RANBP2: variants seen among roughly 807,000 people sequenced by gnomAD.
RANBP2 encodes E3 SUMO-protein ligase RanBP2.
A neutral mutation model predicts 303.6 loss-of-function variants in RANBP2; 57 were observed. The ratio of observed to expected loss-of-function variants is 0.19; its 90% CI spans 0.15 to 0.23. The LOEUF is 0.23. Ranked by LOEUF, RANBP2 falls within the 10% of genes least tolerant of loss-of-function variation. The pLI, the probability that RANBP2 is intolerant of heterozygous loss-of-function variation, is 1.00. For synonymous variants in RANBP2, 1,167 were observed against 1,301.5 expected (o/e 0.90, Z 2.23); for missense variants, 3,138 against 3,780.8 (o/e 0.83, Z 4.46).
At chr2:109,220,822 C>G in the RANBP2 span, among the ~76,000 whole-genome samples, 1 of 152,182 alleles carries the variant, frequency 6.6e-6, no homozygotes, top group African/African-American at 2.4e-5. Flanking sequence ...AATGGTACAG[C>G]TGCTGTGCAA....
At chr2:109,006,342 T>G in the RANBP2 span, among the ~76,000 whole-genome samples, 1 of 152,022 alleles carries the variant, frequency 6.6e-6, no homozygotes, top group Non-Finnish European at 1.5e-5. Flanking sequence ...TACAGGCGCT[T>G]GCCAACACGC....
At chr2:108,854,560 G>T in the RANBP2 span, among the ~76,000 whole-genome samples, 1 of 152,068 alleles carries the variant, frequency 6.6e-6, no homozygotes, top group Non-Finnish European at 1.5e-5. Context: ...CAGAATTGAG[G>T]TCTGTTAGAC....
At chr2:109,018,309 GT>G in the RANBP2 span, among the ~76,000 whole-genome samples, 1 of 152,214 alleles carries the variant, frequency 6.6e-6, no homozygotes, top group African/African-American at 2.4e-5. Context: ...GAGCAAAGCT[GT>G]CTGCAGAATC....
At chr2:108,959,439 C>A in the RANBP2 span, among the ~76,000 whole-genome samples, 2 of 152,236 alleles carry the variant, frequency 1.3e-5, no homozygotes, top group African/African-American at 4.8e-5. Flanking sequence ...CTGATCCAAC[C>A]CAGTTCAGGT....
intron 25 of RANBP2, among the ~76,000 whole-genome samples, chr2:108,778,664 A>ACATGTCC (rs1267139356): frequency 1.3e-5 from 2 of 152,244 alleles, no homozygotes; most frequent in Non-Finnish European, 2.9e-5. Flanking sequence ...TTCTTCTGCC[A>ACATGTCC]CATGTCCCTT....
At chr2:108,929,461 G>T in the RANBP2 span, 3 of 1,444,316 alleles carry the variant, frequency 2.1e-6, no homozygotes, top group South Asian at 1.2e-5. Context: ...CTTGGGCAGT[G>T]ACGTGCCAGC....
At chr2:109,057,939 T>C in the RANBP2 span, among the ~76,000 whole-genome samples, 1 of 152,178 alleles carries the variant, frequency 6.6e-6, no homozygotes, top group Non-Finnish European at 1.5e-5. Flanking sequence ...CAGTAGTCGC[T>C]CATTATGCTG....
chr2:109,501,800 C>T, the RANBP2 span: 1 of 615,824 alleles, frequency 1.6e-6, no homozygotes, highest in Non-Finnish European at 2.9e-6. Flanking sequence ...GGGGGATACC[C>T]TGGCCCAGGG....
the RANBP2 span, among the ~76,000 whole-genome samples, chr2:109,378,238 G>T: frequency 6.6e-6 from 1 of 152,208 alleles, no homozygotes; most frequent in Non-Finnish European, 1.5e-5. Context: ...CTGGGTCAGG[G>T]AGCTGGCTCA....
At chr2:109,654,901 CTTTTCTTTTT>C in the RANBP2 span, among the ~76,000 whole-genome samples, 1 of 150,718 alleles carries the variant, frequency 6.6e-6, no homozygotes, top group Non-Finnish European at 1.5e-5. Context: ...TATTTCTTTT[CTTTTCTTTTT>C]TTTTTTTTTG....
At chr2:109,403,232 G>A in the RANBP2 span, among the ~76,000 whole-genome samples, 2 of 152,230 alleles carry the variant, frequency 1.3e-5, no homozygotes, top group Non-Finnish European at 2.9e-5. Context: ...CACTGTCCGA[G>A]GCTGGCCTCC....
At chr2:108,873,647 A>G in the RANBP2 span, 27 of 1,319,118 alleles carry the variant, frequency 2.0e-5, no homozygotes, top group African/African-American at 3.0e-5. Context: ...GTGATCATTT[A>G]AACCAGGGGT....
At chr2:109,500,655 A>G in the RANBP2 span, among the ~76,000 whole-genome samples, 12 of 152,308 alleles carry the variant, frequency 7.9e-5, no homozygotes, top group East Asian at 2.1e-3. Flanking sequence ...AGCACATTTA[A>G]AAATAAGGAC....
At chr2:109,367,623 A>G in the RANBP2 span, among the ~76,000 whole-genome samples, 1 of 152,084 alleles carries the variant, frequency 6.6e-6, no homozygotes, top group African/African-American at 2.4e-5. Context: ...TTTAATTTCC[A>G]TTATTTCTCT....
chr2:109,282,946 G>A, the RANBP2 span, among the ~76,000 whole-genome samples: 2 of 152,150 alleles, frequency 1.3e-5, no homozygotes, highest in African/African-American at 2.4e-5. Flanking sequence ...TGGTGGCATT[G>A]GGGCTGGCTT....
At position 108,784,338 on chromosome 2, in the gene RANBP2, T is replaced by C. The variant is rs1678461211; in HGVS notation, c.*437T>C. The C allele has an allele frequency of 5.6e-6, 1 of 177,792 alleles. No individual in the cohort carries two copies. The highest frequency in any genetic ancestry group is 5.5e-5 in the Admixed American group (1 of 18,142). 11.0% of individuals were successfully genotyped at this position (177,792 alleles called of 1,614,324 possible). On this transcript the variant is annotated 3_prime_UTR_variant, in exon 29 of 29. Transcript: ENST00000283195. Reference sequence around the variant, plus strand: ...GAAATATATTTGGTAATCTTAACTATTGGTGTACTCATTTATGCATAGAGA... The same window carrying C: ...GAAATATATTTGGTAATCTTAACTACTGGTGTACTCATTTATGCATAGAGA...
the RANBP2 span, among the ~76,000 whole-genome samples, chr2:109,658,122 C>A: frequency 1.3e-5 from 2 of 151,884 alleles, no homozygotes; most frequent in Admixed American, 1.3e-4. Context: ...CTGATTCTCA[C>A]TTTTTTCCTC....
At chr2:109,444,948 A>G in the RANBP2 span, among the ~76,000 whole-genome samples, 4 of 152,252 alleles carry the variant, frequency 2.6e-5, no homozygotes, top group African/African-American at 9.6e-5. Context: ...AAAGAAAAAC[A>G]GGAAGCTATG....
the RANBP2 span, among the ~76,000 whole-genome samples, chr2:108,826,645 C>A: frequency 6.6e-6 from 1 of 152,274 alleles, no homozygotes; most frequent in South Asian, 2.1e-4. Flanking sequence ...ACACTCGATT[C>A]ATTACTGTAG....
Sources: allele counts gnomAD v4.1 joint callset (sites outside exome capture counted in the v4.1 genomes callset), GRCh38; gene constraint gnomAD v4.1.1; transcripts MANE v1.5; gene names NCBI Gene and HGNC (gene_info 2026-07-23, HGNC 2026-07-21).